SCN7A: variants seen among roughly 807,000 people sequenced by gnomAD.
The protein encoded by SCN7A is sodium voltage-gated channel alpha subunit 7.
Under a neutral mutation model 155.2 loss-of-function variants are expected in SCN7A, and 138 were observed. That is an observed-to-expected ratio of 0.89 (90% CI 0.77 to 1.02). SCN7A has a LOEUF of 1.02. Ranked by LOEUF, SCN7A falls within the 50% of genes least tolerant of loss-of-function variation. SCN7A has a pLI of 0.00. For synonymous variants in SCN7A, 693 were observed against 649.0 expected, an observed-to-expected ratio of 1.07 and a Z score of -1.03; for missense variants, 2,058 against 1,986.6, an observed-to-expected ratio of 1.04 and a Z score of -0.68.
At chr2:166,442,064 G>A (rs967946456) in intron 14 of SCN7A, among the ~76,000 whole-genome samples, 1 of 151,804 alleles carries the variant, frequency 6.6e-6, no homozygotes, top group Non-Finnish European at 1.5e-5. Context: ...CTTTGTTTTT[G>A]CTTTTCAAAA....
At chr2:166,451,775 G>C (rs1702182153) in intron 11 of SCN7A, among the ~76,000 whole-genome samples, 1 of 152,066 alleles carries the variant, frequency 6.6e-6, no homozygotes, top group African/African-American at 2.4e-5. Flanking sequence ...AAAGGACCAT[G>C]CCTCTCTGCT....
chr2:166,486,782 C>A (rs1703061428), intron 2 of SCN7A, 74 bp downstream of exon 2: 1 of 152,210 alleles, frequency 6.6e-6, no homozygotes, highest in Admixed American at 6.5e-5. Context: ...ATTACATTTT[C>A]TTGTTTGTTT....
chr2:166,479,793 A>G (rs983151839), intron 2 of SCN7A, among the ~76,000 whole-genome samples: 1 of 152,094 alleles, frequency 6.6e-6, no homozygotes, highest in Non-Finnish European at 1.5e-5. Flanking sequence ...AGACAGGGAT[A>G]TTTTTGCAAT....
chr2:166,414,811 G>C, intron 21 of SCN7A: 1 of 125,326 alleles, frequency 8.0e-6, no homozygotes, highest in South Asian at 2.3e-4. Context: ...ATATATAGTA[G>C]GATATATAAT....
chr2:166,413,981 G>GTATATATATATATATATATATATATATA lies in SCN7A; in HGVS notation c.3415-861_3415-860insTATATATATATATATATATATATATATA, dbSNP rs556351441. 2.0e-3 allele frequency among the ~76,000 whole-genome samples: 105 copies of GTATATATATATATATATATATATATATA among 53,442 alleles called. 6 individuals are homozygous for GTATATATATATATATATATATATATATA. The highest frequency in any genetic ancestry group is 3.2e-3 in the South Asian group (6 of 1,890). 35.1% of individuals were successfully genotyped at this position (53,442 alleles called of 152,430 possible). On this transcript the variant is annotated intron_variant, in intron 21 of 25. Coordinates refer to ENST00000643258, the MANE Select transcript of SCN7A (RefSeq NM_002976.4). Reference sequence around the variant, plus strand: ...CCCCTTTATATATATATGTGTATGTGTATATATATATATATATATATAAAT... The same window carrying GTATATATATATATATATATATATATATA: ...CCCCTTTATATATATATGTGTATGTGTATATATATATATATATATATATATATATATATATATATATATATATATAAAT...
chr2:166,476,544 T>A (rs1385866882), intron 3 of SCN7A, among the ~76,000 whole-genome samples: 3 of 152,026 alleles, frequency 2.0e-5, no homozygotes, highest in Non-Finnish European at 1.5e-5. Context: ...TCCTTGCGAC[T>A]TCAGTCCCGG....
In SCN7A at chr2:166,416,842, T is replaced by C. The variant is rs1339062311; in HGVS notation, c.3279A>G (p.Gly1093=). The change falls in exon 21 of 26, where the codon GGA becomes GGG. Residue 1093 remains glycine (G), a synonymous_variant. Transcript: ENST00000643258. ...TGACTTCAGATGAAGGAAACCTTTC[T>C]CCACTTGTTGGGTCAATGCATTCAT... The part of the protein sequence containing the change: ...RFYECIDPTS[G]ERFPSSEVMN... The C allele has an allele frequency of 1.2e-6, 2 of 1,613,592 alleles. No homozygotes were observed.
In SCN7A at chr2:166,406,149, C is replaced by A; in HGVS notation, c.4480G>T (p.Val1494Phe). Residue 1494 changes from valine to phenylalanine, a missense_variant, in exon 26 of 26, where the codon GTT (valine) becomes TTT (phenylalanine). Transcript: ENST00000643258. The stretch of plus-strand genomic sequence containing the variant: ...GCAATATTTAAAAACTCCATGACAA[C>A]AACAATGTACATATTTACAATGATC... Reference protein sequence around the residue: ...WLIIVNMYIVVVMEFLNIASK... With the variant: ...WLIIVNMYIVFVMEFLNIASK... 1 of 1,611,922 alleles carries A rather than the reference C, an allele frequency of 6.2e-7. No individual in the cohort carries two copies. The highest frequency in any genetic ancestry group is 8.5e-7 in the Non-Finnish European group (1 of 1,178,818).
chr2:166,423,154 G>A, intron 19 of SCN7A, 105 bp downstream of exon 19: 1 of 1,094,464 alleles, frequency 9.1e-7, no homozygotes, highest in Non-Finnish European at 1.3e-6. Context: ...ACAATGTAGA[G>A]AGAGAGGGAA....
chr2:166,428,089 C>T (rs1250070025), intron 17 of SCN7A, 147 bp from the exon 18 acceptor site: 8 of 898,440 alleles, frequency 8.9e-6, no homozygotes, highest in Non-Finnish European at 1.3e-5. Flanking sequence ...TAATTTTTAC[C>T]CATGGTGTAG....
At chr2:166,468,401 G>GCATTA (rs1198856793) in intron 7 of SCN7A, among the ~76,000 whole-genome samples, 1 of 151,992 alleles carries the variant, frequency 6.6e-6, no homozygotes, top group African/African-American at 2.4e-5. Flanking sequence ...GACCTAACCT[G>GCATTA]ACAATTCAAG....
intron 9 of SCN7A, 51 bp from the exon 10 acceptor site, chr2:166,462,581 T>G: frequency 6.4e-7 from 1 of 1,553,238 alleles, no homozygotes; most frequent in South Asian, 1.1e-5. Flanking sequence ...ACTATCAGAT[T>G]ATGGTCAAAT....
In SCN7A at chr2:166,462,396, T is replaced by G; in HGVS notation, c.1076A>C (p.Tyr359Ser). Residue 359 changes from tyrosine to serine, a missense_variant, in exon 10 of 26, where the codon TAT becomes TCT. Transcript: ENST00000643258. ...ATTTCTCTCTGTTCTTACCTGGTGA[T>G]AAAGTACTTCAGGGTAATCCTGAGC... ...LMAQDYPEVL[Y>S]HQILYASGKV... The G allele has an allele frequency of 6.3e-7, 1 of 1,589,228 alleles. No individual in the cohort carries two copies. Among genetic ancestry groups the G allele is most frequent in the Non-Finnish European group, 8.6e-7 (1 of 1,166,556 alleles).
chr2:166,439,344 A>G (rs1701907599), intron 15 of SCN7A, among the ~76,000 whole-genome samples: 1 of 152,054 alleles, frequency 6.6e-6, no homozygotes, highest in South Asian at 2.1e-4. Context: ...CATGTGATTC[A>G]GCTAATGAGA....
chr2:166,474,127 A>AT, intron 4 of SCN7A, 99 bp downstream of exon 4: 1 of 594,016 alleles, frequency 1.7e-6, no homozygotes, highest in East Asian at 3.0e-5. Flanking sequence ...TGAGATATAA[A>AT]TTGAAAAGAG....
Position 166,462,246 on chromosome 2 carries a change from C to T in SCN7A, c.1083+143G>A, listed in dbSNP as rs987901499. On this transcript the variant is annotated intron_variant, in intron 10 of 25. Coordinates refer to ENST00000643258, the MANE Select transcript of SCN7A (RefSeq NM_002976.4). ...TGTGGCCAGCATATAATTTGACATT[C>T]AGTAATTCTAGTTCTCTTTTCTTTT... 7 of 840,094 alleles carry T rather than the reference C, an allele frequency of 8.3e-6. No individual in the cohort carries two copies. In the Admixed American group the frequency reaches 8.8e-5, roughly 11 times the overall value. The allele number at this position is 840,094 out of a possible 1,614,324, so 52.0% of individuals were successfully genotyped here. A position where few individuals can be genotyped will look rare whatever the true frequency, so the allele number is the denominator to read the frequency against.
intron 21 of SCN7A, chr2:166,414,461 GGA>G: frequency 1.3e-5 from 1 of 78,638 alleles, no homozygotes; most frequent in East Asian, 3.3e-4. Flanking sequence ...TGAACTAATA[GGA>G]TATATATATA....
At chr2:166,492,217 C>G (rs1683129416) in intron 1 of SCN7A, among the ~76,000 whole-genome samples, 1 of 152,052 alleles carries the variant, frequency 6.6e-6, no homozygotes, top group South Asian at 2.1e-4. Context: ...GGTCGTGTGC[C>G]ATCTGGGATC....
At position 166,441,475 on chromosome 2, in the gene SCN7A, A is replaced by C; in HGVS notation, c.2078T>G (p.Leu693Trp). 6.2e-7 allele frequency: 1 copy of C among 1,614,046 alleles called. No individual in the cohort carries two copies. Among genetic ancestry groups the C allele is most frequent in the Non-Finnish European group, 8.5e-7 (1 of 1,179,954 alleles). ...GCCTGCAACCTCCATACAGTCCCAC[A>C]AGGTCTCTACCCACTCTCCACAGAG... ...RILCGEWVETLWDCMEVAGQS... is the reference protein window; with the variant it reads ...RILCGEWVETWWDCMEVAGQS... Residue 693 changes from leucine to tryptophan, a missense_variant, in exon 15 of 26, where the codon TTG becomes TGG. Transcript: ENST00000643258.
Sources: allele counts gnomAD v4.1 joint callset (sites outside exome capture counted in the v4.1 genomes callset), GRCh38; gene constraint gnomAD v4.1.1; transcripts MANE v1.5; gene names NCBI Gene and HGNC (gene_info 2026-07-23, HGNC 2026-07-21).